The following DNAH14 variants were observed in gnomAD, a reference collection of about 807,000 sequenced individuals.
DNAH14 encodes the protein axonemal beta dynein heavy chain 14.
DNAH14 carries 478 observed loss-of-function variants against 520.9 expected under a neutral mutation model. The observed-to-expected ratio is 0.92, with a 90% CI of 0.85 to 0.99. The LOEUF (loss-of-function observed/expected upper bound fraction) is 0.99. Ranked by LOEUF, DNAH14 falls within the 50% of genes least tolerant of loss-of-function variation. The pLI, the probability that DNAH14 is intolerant of heterozygous loss-of-function variation, is 0.00. For synonymous variants in DNAH14, 1,581 were observed against 1,757.2 expected (o/e 0.90, Z 2.51); for missense variants, 4,831 against 5,234.5 (o/e 0.92, Z 2.38).
chr1:225,136,230 G>A (rs1381278593), intron 27 of DNAH14, among the ~76,000 whole-genome samples: 1 of 152,104 alleles, frequency 6.6e-6, no homozygotes, highest in South Asian at 2.1e-4. Context: ...AGACTTGTTT[G>A]TGTGGTTGCT....
At chr1:225,352,032 T>C in intron 72 of DNAH14, 149 bp downstream of exon 72, 1 of 638,462 alleles carries the variant, frequency 1.6e-6, no homozygotes, top group Non-Finnish European at 2.7e-6. Context: ...TGTTATTCAT[T>C]ATAATCCTCA....
intron 43 of DNAH14, among the ~76,000 whole-genome samples, 158 bp from the exon 44 acceptor site, chr1:225,252,143 T>C (rs1267154235): frequency 6.6e-6 from 1 of 152,148 alleles, no homozygotes; most frequent in Non-Finnish European, 1.5e-5. Context: ...ACATTGAAGA[T>C]TGAGGGGAAA....
At chr1:225,109,099 G>A (rs1178527672) in intron 23 of DNAH14, among the ~76,000 whole-genome samples, 7 of 152,200 alleles carry the variant, frequency 4.6e-5, no homozygotes, top group Non-Finnish European at 1.5e-5. Flanking sequence ...TGACTAGTTT[G>A]CTATTTTGGT....
chr1:225,338,080 C>T lies in DNAH14; in HGVS notation c.10331C>T (p.Ala3444Val). 6.5e-7 allele frequency: 1 copy of T among 1,548,900 alleles called. No homozygotes were observed. Among genetic ancestry groups the T allele is most frequent in the South Asian group, 1.2e-5 (1 of 83,300 alleles). The change falls in exon 68 of 86, where the codon GCT becomes GTT. Residue 3444 changes from alanine to valine, a missense_variant. Physicochemically the swap from Ala to Val is moderately conservative, Grantham distance 64. Transcript: ENST00000682510. ...TTTCAGAATCTCCTTGAGACATTAG[C>T]TCCAGGCTTAAAGGCAATTCTGAAA... ...VLLQNLLETLAPGLKAILKKD... is the reference protein window; with the variant it reads ...VLLQNLLETLVPGLKAILKKD...
chr1:225,016,671 A>G (rs1428794213), intron 10 of DNAH14, among the ~76,000 whole-genome samples: 1 of 151,844 alleles, frequency 6.6e-6, no homozygotes, highest in Non-Finnish European at 1.5e-5. Flanking sequence ...AACAACCATA[A>G]TCTGAATATT....
intron 34 of DNAH14, among the ~76,000 whole-genome samples, chr1:225,155,053 G>T (rs1451086853): frequency 6.6e-6 from 1 of 152,046 alleles, no homozygotes; most frequent in Non-Finnish European, 1.5e-5. Flanking sequence ...CACACGTAAT[G>T]AAAGAATGCA....
At chr1:225,136,193 C>T (rs904469149) in intron 27 of DNAH14, among the ~76,000 whole-genome samples, 4 of 152,140 alleles carry the variant, frequency 2.6e-5, no homozygotes, top group Admixed American at 1.3e-4. Flanking sequence ...TGTATCCTGA[C>T]ATCATGATGC....
chr1:225,264,160 C>A lies in DNAH14; in HGVS notation c.7158-37C>A, dbSNP rs553076424. On this transcript the variant is annotated intron_variant, in intron 46 of 85. Transcript: ENST00000682510. ...TGTTTAATATACCTATTATGGTAAACAAACTAATTTTGAATCCTTAAAATA... is the reference window on the plus strand; with the variant it reads ...TGTTTAATATACCTATTATGGTAAAAAAACTAATTTTGAATCCTTAAAATA... The A allele has an allele frequency of 6.0e-5, 91 of 1,508,368 alleles. No individual in the cohort carries two copies. In the African/African-American group the frequency reaches 1.2e-3, roughly 20 times the overall value. 93.4% of individuals were successfully genotyped at this position (1,508,368 alleles called of 1,614,324 possible).
chr1:225,219,522 A>G lies in DNAH14; in HGVS notation c.6440-11551A>G, dbSNP rs182209417. 1.4e-3 allele frequency among the ~76,000 whole-genome samples: 206 copies of G among 152,336 alleles called. 1 individual carries two copies. Among genetic ancestry groups the G allele is most frequent in the Non-Finnish European group, 1.2e-3 (84 of 68,032 alleles). On this transcript the variant is annotated intron_variant, in intron 41 of 85. Coordinates refer to ENST00000682510, the MANE Select transcript of DNAH14 (RefSeq NM_001367479.1). ...ATACAAGCTACCATCAGAGAATACT[A>G]TAAACACCTCTATGCAAATAAACTA... is the stretch of plus-strand genomic sequence containing the variant.
intron 23 of DNAH14, among the ~76,000 whole-genome samples, chr1:225,103,082 A>T (rs1278630260): frequency 1.3e-5 from 2 of 152,144 alleles, no homozygotes; most frequent in Non-Finnish European, 2.9e-5. Context: ...TGTAAGGAAC[A>T]GATCCAGTTT....
At chr1:225,254,788 C>A (rs2092681204) in intron 44 of DNAH14, among the ~76,000 whole-genome samples, 1 of 152,124 alleles carries the variant, frequency 6.6e-6, no homozygotes, top group Non-Finnish European at 1.5e-5. Flanking sequence ...AGTTTTTCTC[C>A]AGAGCCTCAC....
intron 8 of DNAH14, among the ~76,000 whole-genome samples, chr1:224,977,844 A>G (rs1410646873): frequency 6.6e-6 from 1 of 152,234 alleles, no homozygotes; most frequent in African/African-American, 2.4e-5. Flanking sequence ...ATCTGATTTA[A>G]AAATGGGCAA....
Position 225,289,830 on chromosome 1 carries a change from G to A in DNAH14, c.8272-55G>A, listed in dbSNP as rs145587525. 3.0e-4 allele frequency: 359 copies of A among 1,190,432 alleles called. No homozygotes were observed. In the African/African-American group the frequency reaches 4.8e-3, roughly 16 times the overall value. 73.7% of individuals were successfully genotyped at this position (1,190,432 alleles called of 1,614,324 possible). ...ACAAATAATAAACAGAAAACTATAC[G>A]TTGAAAGATTCCCAGAAAATGTATG... On this transcript the variant is annotated intron_variant, in intron 54 of 85. Transcript: ENST00000682510.
intron 41 of DNAH14, among the ~76,000 whole-genome samples, chr1:225,209,931 G>C (rs901943126): frequency 6.6e-6 from 1 of 152,112 alleles, no homozygotes; most frequent in Non-Finnish European, 1.5e-5. Flanking sequence ...AAGAGAAGTT[G>C]TGAGGGACAA....
intron 57 of DNAH14, among the ~76,000 whole-genome samples, chr1:225,304,451 G>A (rs1209796452): frequency 1.3e-5 from 2 of 151,992 alleles, no homozygotes; most frequent in East Asian, 3.9e-4. Flanking sequence ...CCAGCTACAT[G>A]GGAGGCTGAG....
At chr1:225,247,881 CG>C (rs2092374947) in intron 43 of DNAH14, among the ~76,000 whole-genome samples, 1 of 151,928 alleles carries the variant, frequency 6.6e-6, no homozygotes, top group Non-Finnish European at 1.5e-5. Context: ...TAGCCAGGCA[CG>C]GTGGCGGGCG....
At chr1:225,395,237 T>G (rs1207028922) in intron 84 of DNAH14, among the ~76,000 whole-genome samples, 2 of 152,232 alleles carry the variant, frequency 1.3e-5, no homozygotes, top group Non-Finnish European at 1.5e-5. Context: ...ATCCTAAGGT[T>G]GAATCATCTT....
chr1:225,301,281 A>G (rs1215943121), intron 56 of DNAH14, among the ~76,000 whole-genome samples: 1 of 152,164 alleles, frequency 6.6e-6, no homozygotes, highest in African/African-American at 2.4e-5. Context: ...ATAAAATGAA[A>G]AATAAAATCC....
At chr1:225,046,280 A>G (rs1163404052) in intron 15 of DNAH14, among the ~76,000 whole-genome samples, 1 of 152,104 alleles carries the variant, frequency 6.6e-6, no homozygotes, top group Non-Finnish European at 1.5e-5. Flanking sequence ...TTTAAATGTT[A>G]TATGATCACT....
Sources: gnomAD v4.1 joint callset for allele counts (sites outside exome capture counted in the v4.1 genomes callset) on GRCh38, gnomAD v4.1.1 for gene constraint, MANE v1.5 for transcripts, NCBI Gene and HGNC (gene_info 2026-07-23, HGNC 2026-07-21) for gene names.